Variants in THTPA observed in about 807,000 individuals in gnomAD.
The protein encoded by THTPA is thiamine-triphosphatase.
THTPA carries 16 observed loss-of-function variants against 16.5 expected under a neutral mutation model. The ratio of observed to expected loss-of-function variants is 0.97; its 90% CI spans 0.66 to 1.47. The LOEUF (loss-of-function observed/expected upper bound fraction) is 1.47, where lower values mean the gene tolerates loss of function less well. THTPA is among the 40% of genes most tolerant of loss of function. The probability of loss-of-function intolerance (pLI) is 0.00; values close to 1 mark genes in which losing one functional copy is unlikely to be tolerated. For missense variants in THTPA, 281 were observed against 280.9 expected, an observed-to-expected ratio of 1.00 and a Z score of 0.00; for synonymous variants, 110 against 115.5, an observed-to-expected ratio of 0.95 and a Z score of 0.30.
chr14:23,524,988 T>A, the THTPA span: 1 of 1,536,230 alleles, frequency 6.5e-7, no homozygotes, highest in East Asian at 2.4e-5. The surrounding 1 kb of genome is among the most constrained non-coding windows in gnomAD (Gnocchi z 5.6). Context: ...CAGGCATTTT[T>A]GCGTGCTTTC....
the THTPA span, among the ~76,000 whole-genome samples, chr14:23,535,743 C>T: frequency 6.6e-6 from 1 of 152,060 alleles, no homozygotes; most frequent in Non-Finnish European, 1.5e-5. The surrounding 1 kb of genome is among the most constrained non-coding windows in gnomAD (Gnocchi z 4.5). Context: ...CAGGCTTGTG[C>T]CACCACACCT....
chr14:23,529,868 G>T, the THTPA span: 212 of 1,248,718 alleles, frequency 1.7e-4, 2 homozygotes, highest in East Asian at 5.2e-3. Flanking sequence ...TAGAGAAAGG[G>T]CAGGAAACTC....
the THTPA span, chr14:23,532,676 G>A: frequency 6.6e-7 from 1 of 1,519,760 alleles, no homozygotes; most frequent in Non-Finnish European, 8.8e-7. Flanking sequence ...GTGTAGTGGG[G>A]AGACAGACCC....
At chr14:23,516,793 A>T in the THTPA span, among the ~76,000 whole-genome samples, 1 of 152,176 alleles carries the variant, frequency 6.6e-6, no homozygotes, top group East Asian at 1.9e-4. Flanking sequence ...CTTGGTGGGG[A>T]CATCTAGAAA....
intron 1 of THTPA, 70 bp downstream of exon 1, chr14:23,557,374 C>T: frequency 3.5e-6 from 5 of 1,440,278 alleles, no homozygotes; most frequent in Non-Finnish European, 4.5e-6. Flanking sequence ...CCTGCTGGAC[C>T]ATGCAGTGGG....
At chr14:23,527,603 C>T in the THTPA span, 1 of 1,536,718 alleles carries the variant, frequency 6.5e-7, no homozygotes, top group Non-Finnish European at 8.7e-7. Flanking sequence ...CCTGTACTCA[C>T]TACAAGCAGC....
rs1440426289 is a variant in THTPA, at chr14:23,556,749, G to A, written c.-9G>A. 3.1e-6 allele frequency: 5 copies of A among 1,610,076 alleles called. No homozygotes were observed. In the African/African-American group the frequency reaches 5.3e-5, roughly 17 times the overall value. ...TCAGCAAACGTTTGTTCAGCCAATTGCAGGTAGCATGGCCCAGGGCTTGAT... is the reference window on the plus strand; with the variant it reads ...TCAGCAAACGTTTGTTCAGCCAATTACAGGTAGCATGGCCCAGGGCTTGAT... On this transcript the variant is annotated 5_prime_UTR_variant, in exon 1 of 2. Transcript: ENST00000288014.
chr14:23,521,643 T>C, the THTPA span: 3 of 302,890 alleles, frequency 9.9e-6, no homozygotes, highest in African/African-American at 2.2e-5. Context: ...ACCAAGGATA[T>C]ATTTTGTGTG....
the THTPA span, chr14:23,526,681 T>C: frequency 6.5e-7 from 1 of 1,535,878 alleles, no homozygotes; most frequent in Non-Finnish European, 8.7e-7. Flanking sequence ...TAGGGCCTTC[T>C]AGGGGAGAGA....
the THTPA span, chr14:23,543,967 A>G: frequency 6.6e-6 from 1 of 152,104 alleles, no homozygotes; most frequent in African/African-American, 2.4e-5. Flanking sequence ...CTTCATATAG[A>G]GAATGGGGCA....
At chr14:23,532,993 G>A in the THTPA span, 960 of 1,536,208 alleles carry the variant, frequency 6.2e-4, 1 homozygote, top group African/African-American at 2.2e-3. Flanking sequence ...ACAGGCTGTC[G>A]TCTGGGGGTG....
the THTPA span, among the ~76,000 whole-genome samples, chr14:23,515,964 G>GA: frequency 6.6e-6 from 1 of 152,128 alleles, no homozygotes; most frequent in African/African-American, 2.4e-5. Flanking sequence ...TTGGGGGTGG[G>GA]AGTCGGGGTG....
At chr14:23,524,377 G>C in the THTPA span, 419 of 1,536,196 alleles carry the variant, frequency 2.7e-4, 1 homozygote, top group African/African-American at 5.5e-3. This position sits in a 1 kb window ranked among gnomAD's most constrained non-coding sequence, Gnocchi z 5.6. Context: ...GCTTGTCCCT[G>C]GGGGGCTCGC....
intron 1 of THTPA, 78 bp downstream of exon 1, chr14:23,557,382 G>C (rs1373344987): frequency 2.1e-6 from 3 of 1,415,534 alleles, no homozygotes; most frequent in Non-Finnish European, 2.8e-6. Flanking sequence ...ACCATGCAGT[G>C]GGGGAGGGCC....
the THTPA span, chr14:23,529,541 C>T: frequency 1.5e-6 from 1 of 682,274 alleles, no homozygotes; most frequent in Non-Finnish European, 2.5e-6. Context: ...AGCTCTGCCC[C>T]CGAAAGTGCT....
At chr14:23,520,843 A>G in the THTPA span, 1 of 152,066 alleles carries the variant, frequency 6.6e-6, no homozygotes. The surrounding 1 kb of genome is among the most constrained non-coding windows in gnomAD (Gnocchi z 8.7). Context: ...CAAATAGGAA[A>G]AAAAACACTT....
chr14:23,524,384 T>A, the THTPA span: 1 of 1,536,190 alleles, frequency 6.5e-7, no homozygotes, highest in Non-Finnish European at 8.7e-7. The surrounding 1 kb of genome is among the most constrained non-coding windows in gnomAD (Gnocchi z 5.6). Flanking sequence ...CCTGGGGGGC[T>A]CGCCCTCCCC....
chr14:23,537,642 TG>T, the THTPA span, among the ~76,000 whole-genome samples: 1 of 151,728 alleles, frequency 6.6e-6, no homozygotes, highest in African/African-American at 2.4e-5. Flanking sequence ...GTGGAAGGGA[TG>T]GGGAGGTCGG....
At chr14:23,532,476 G>T in the THTPA span, 2 of 1,377,642 alleles carry the variant, frequency 1.5e-6, no homozygotes, top group South Asian at 3.5e-5. Context: ...TTGTCACCCA[G>T]GGTTTTCCTA....
Sources: allele counts gnomAD v4.1 joint callset (sites outside exome capture counted in the v4.1 genomes callset), GRCh38; gene constraint gnomAD v4.1.1; non-coding constraint Gnocchi (gnomAD v3.1); transcripts MANE v1.5; gene names NCBI Gene and HGNC (gene_info 2026-07-23, HGNC 2026-07-21).